ZFAND4: variants seen among roughly 807,000 people sequenced by gnomAD.
ZFAND4 encodes the protein zinc finger AN1-type containing 4, also known as AN1-type zinc finger protein 4.
In ZFAND4, 43 loss-of-function variants were observed where a neutral mutation model predicts 64.4. The observed-to-expected ratio is 0.67, with a 90% CI of 0.52 to 0.86. ZFAND4 has a LOEUF of 0.86. Among genes scored for constraint, ZFAND4 ranks in the 40% least tolerant of loss-of-function variants. ZFAND4 has a pLI of 0.00. For synonymous variants in ZFAND4, 296 were observed against 305.7 expected, an observed-to-expected ratio of 0.97 and a Z score of 0.33; for missense variants, 929 against 859.8, an observed-to-expected ratio of 1.08 and a Z score of -1.01.
At chr10:45,659,367 TAAG>T (rs1207073728) in intron 2 of ZFAND4, among the ~76,000 whole-genome samples, 1 of 152,086 alleles carries the variant, frequency 6.6e-6, no homozygotes, top group Non-Finnish European at 1.5e-5. Flanking sequence ...ACGCAAACTC[TAAG>T]GAGGAGTCTT....
At chr10:45,633,785 A>G (rs1439191220) in intron 6 of ZFAND4, among the ~76,000 whole-genome samples, 1 of 152,218 alleles carries the variant, frequency 6.6e-6, no homozygotes, top group African/African-American at 2.4e-5. Context: ...ATAATGAAAC[A>G]GCCAAATCTC....
At chr10:45,668,595 A>T (rs2133881752) in intron 1 of ZFAND4, among the ~76,000 whole-genome samples, 1 of 152,346 alleles carries the variant, frequency 6.6e-6, no homozygotes, top group East Asian at 1.9e-4. Flanking sequence ...TGTCTGGCAA[A>T]TTCTTCTCAG....
rs748021246 is a variant in ZFAND4 at position 45,663,644 on chromosome 10, T to C, written c.82A>G (p.Met28Val). 11 of 1,611,890 alleles carry C rather than the reference T, an allele frequency of 6.8e-6. No homozygotes were observed. Among genetic ancestry groups the C allele is most frequent in the East Asian group, 2.2e-5 (1 of 44,732 alleles). The change falls in exon 2 of 10, where the codon ATG (methionine) becomes GTG (valine). Residue 28 changes from methionine (M) to valine (V), a missense_variant. By Grantham distance (21) the Met-to-Val change is conservative. Transcript: ENST00000344646. ...GTTAATGTTTCAATGAAGAGCTCCA[T>C]GGTATCACAGAAATGAAGTCTGTAG... ...FYYRLHFCDT[M>V]ELFIETLTGT...
chr10:45,633,153 G>A (rs1384912592), intron 6 of ZFAND4, among the ~76,000 whole-genome samples: 1 of 147,866 alleles, frequency 6.8e-6, no homozygotes, highest in Non-Finnish European at 1.5e-5. Context: ...GAAATACACA[G>A]AAACCTATGA....
intron 6 of ZFAND4, among the ~76,000 whole-genome samples, chr10:45,638,758 A>AAT (rs2046794210): frequency 5.3e-5 from 8 of 152,236 alleles, no homozygotes; most frequent in Admixed American, 5.2e-4. Context: ...CACACAGTAC[A>AAT]ATAGTACACA....
At chr10:45,653,976 C>T (rs1049561999) in intron 2 of ZFAND4, among the ~76,000 whole-genome samples, 1 of 152,210 alleles carries the variant, frequency 6.6e-6, no homozygotes, top group African/African-American at 2.4e-5. Context: ...CACCACAGAA[C>T]ACCATGCGGC....
chr10:45,659,372 A>G (rs1263585545), intron 2 of ZFAND4, among the ~76,000 whole-genome samples: 6 of 152,214 alleles, frequency 3.9e-5, no homozygotes, highest in Non-Finnish European at 7.3e-5. Context: ...AACTCTAAGG[A>G]GGAGTCTTTA....
intron 1 of ZFAND4, among the ~76,000 whole-genome samples, chr10:45,665,214 T>A (rs531426360): frequency 3.9e-5 from 6 of 152,262 alleles, no homozygotes; most frequent in African/African-American, 1.2e-4. Flanking sequence ...ATACACATCT[T>A]TCTGGTGAGG....
intron 5 of ZFAND4, among the ~76,000 whole-genome samples, chr10:45,645,292 C>T (rs541480683): frequency 5.3e-5 from 8 of 152,134 alleles, no homozygotes; most frequent in Non-Finnish European, 7.4e-5. Flanking sequence ...TTAAAGTCTA[C>T]AGTTATTCAT....
intron 6 of ZFAND4, among the ~76,000 whole-genome samples, chr10:45,632,839 C>A (rs1315106317): frequency 6.6e-6 from 1 of 151,986 alleles, no homozygotes; most frequent in Non-Finnish European, 1.5e-5. Context: ...CAAGCTGGCT[C>A]ACAAAGCAAA....
chr10:45,638,158 G>A (rs767773692), intron 6 of ZFAND4, among the ~76,000 whole-genome samples: 36 of 151,950 alleles, frequency 2.4e-4, no homozygotes, highest in African/African-American at 7.7e-4. Flanking sequence ...GAACTCTCAC[G>A]TTGCTGGGAA....
chr10:45,643,542 C>T (rs1281799030), intron 5 of ZFAND4, among the ~76,000 whole-genome samples: 1 of 151,436 alleles, frequency 6.6e-6, no homozygotes, highest in African/African-American at 2.4e-5. Flanking sequence ...TGGTGGCGGG[C>T]GCCTGTAGTC....
At chr10:45,618,605 A>C (rs1421499609) in intron 8 of ZFAND4, among the ~76,000 whole-genome samples, 2 of 152,220 alleles carry the variant, frequency 1.3e-5, no homozygotes, top group African/African-American at 2.4e-5. Context: ...ATCATATTTG[A>C]TGAAGCCTCT....
chr10:45,661,138 A>C (rs1661566217), intron 2 of ZFAND4, among the ~76,000 whole-genome samples: 1 of 152,056 alleles, frequency 6.6e-6, no homozygotes, highest in Non-Finnish European at 1.5e-5. Context: ...CAGGAGGATC[A>C]CTCTGCTAAG....
At position 45,651,981 on chromosome 10, in the gene ZFAND4, T is replaced by C. The variant is rs779030626; in HGVS notation, c.313A>G (p.Ile105Val). 1 of 1,613,736 alleles carries C rather than the reference T, an allele frequency of 6.2e-7. No individual in the cohort carries two copies. The highest frequency in any genetic ancestry group is 1.1e-5 in the South Asian group (1 of 91,068). Reference sequence around the variant, plus strand: ...ATATGCCTACCTCTTCTAGTATTTATAGGTCCGCCACGCATAGCCAAAACT... The same window carrying C: ...ATATGCCTACCTCTTCTAGTATTTACAGGTCCGCCACGCATAGCCAAAACT... ...KLVLAMRGGP[I>V]NTRRVPTDDP... is the part of the protein sequence containing the mutation. Residue 105 changes from isoleucine to valine, a missense_variant, in exon 4 of 10, where the codon ATA becomes GTA. Transcript: ENST00000344646.
rs753037921 is a variant in ZFAND4, at chr10:45,616,399, C to T, written c.*37G>A. The T allele has an allele frequency of 1.6e-5, 26 of 1,603,466 alleles. No individual in the cohort carries two copies. The highest frequency in any genetic ancestry group is 4.0e-5 in the African/African-American group (3 of 74,430). ...CAACATTTCTTCTGTCATTATAATA[C>T]GAATCCCGGGCAGAACAGTAAGATG... On this transcript the variant is annotated 3_prime_UTR_variant, in exon 10 of 10. Coordinates refer to ENST00000344646, the MANE Select transcript of ZFAND4 (RefSeq NM_174890.4).
Position 45,640,593 on chromosome 10 carries a change from C to T in ZFAND4, c.570-630G>A, listed in dbSNP as rs543995831. On this transcript the variant is annotated intron_variant, in intron 5 of 9. Coordinates refer to ENST00000344646, the MANE Select transcript of ZFAND4 (RefSeq NM_174890.4). ...GCAACCTCTGCCTCCCGGGTTCAAG[C>T]GATTCTCCTGCCTCAGCCTCCCAAG... Among the ~76,000 whole-genome samples the T allele has an allele frequency of 7.2e-4, 109 of 152,166 alleles. 1 individual carries two copies. The East Asian group carries it at 0.011, about 16-fold the overall frequency.
intron 6 of ZFAND4, among the ~76,000 whole-genome samples, chr10:45,634,711 T>A: frequency 6.6e-6 from 1 of 151,278 alleles, no homozygotes. Context: ...AAGAAGGAAG[T>A]CAAATTATCC....
In ZFAND4 at chr10:45,634,265, C is replaced by T. The variant is rs146925091; in HGVS notation, c.717+5551G>A. 2.3e-3 allele frequency among the ~76,000 whole-genome samples: 353 copies of T among 152,260 alleles called. 1 individual carries two copies. Among genetic ancestry groups the T allele is most frequent in the Non-Finnish European group, 3.8e-3 (256 of 68,022 alleles). On this transcript the variant is annotated intron_variant, in intron 6 of 9. Coordinates refer to ENST00000344646, the MANE Select transcript of ZFAND4 (RefSeq NM_174890.4). ...CTCAGCCAGGCGCGGTGGCTCATGC[C>T]TGTAATCCCAGCACCTTGGGAGGCC...
Sources: allele counts gnomAD v4.1 joint callset (sites outside exome capture counted in the v4.1 genomes callset), GRCh38; gene constraint gnomAD v4.1.1; transcripts MANE v1.5; gene names NCBI Gene and HGNC (gene_info 2026-07-23, HGNC 2026-07-21).